The following ALG6 variants were observed in gnomAD, a reference collection of about 807,000 sequenced individuals.
ALG6 encodes dolichyl pyrophosphate Man9GlcNAc2 alpha-1,3-glucosyltransferase.
A neutral mutation model predicts 66.6 loss-of-function variants in ALG6; 46 were observed. That is an observed-to-expected ratio of 0.69 (90% CI 0.55 to 0.88). The LOEUF (loss-of-function observed/expected upper bound fraction) is 0.88, where lower values mean the gene tolerates loss of function less well. Among genes scored for constraint, ALG6 ranks in the 40% least tolerant of loss-of-function variants. ALG6 has a pLI of 0.00. For missense variants in ALG6, 505 were observed against 586.8 expected, an observed-to-expected ratio of 0.86 and a Z score of 1.44; for synonymous variants, 185 against 203.7, an observed-to-expected ratio of 0.91 and a Z score of 0.78.
At chr1:63,375,789 T>C (rs1384590190) in intron 2 of ALG6, among the ~76,000 whole-genome samples, 5 of 152,174 alleles carry the variant, frequency 3.3e-5, no homozygotes, top group Admixed American at 3.3e-4. Context: ...TTATTGGTTA[T>C]AGGACCATTT....
chr1:63,372,579 GACAC>G (rs1302873830), intron 2 of ALG6, among the ~76,000 whole-genome samples: 1 of 151,442 alleles, frequency 6.6e-6, no homozygotes, highest in South Asian at 2.1e-4. Flanking sequence ...GATATACACA[GACAC>G]ACATATATAT....
intron 2 of ALG6, among the ~76,000 whole-genome samples, chr1:63,376,242 GGTAA>G (rs1199989066): frequency 2.0e-5 from 3 of 152,120 alleles, no homozygotes; most frequent in Non-Finnish European, 2.9e-5. Flanking sequence ...TGTAGCACAT[GGTAA>G]GTATTTGTGT....
In ALG6 at chr1:63,400,241, ATACG is replaced by A. The variant is rs1430625654; in HGVS notation, c.168-2010_168-2007del. Among the ~76,000 whole-genome samples, 6 of 15,890 alleles carry A rather than the reference ATACG, an allele frequency of 3.8e-4. 1 individual carries two copies. Among genetic ancestry groups the A allele is most frequent in the African/African-American group, 9.1e-4 (2 of 2,202 alleles). 10.4% of individuals were successfully genotyped at this position (15,890 alleles called of 152,430 possible). ...TATATACGTATATATATATATATATATACGTATATATATGTATATATATATACGT... is the reference window on the plus strand; with the variant it reads ...TATATACGTATATATATATATATATATATATATATGTATATATATATACGT... On this transcript the variant is annotated intron_variant, in intron 3 of 14. Coordinates refer to ENST00000263440, the MANE Select transcript of ALG6 (RefSeq NM_013339.4).
At chr1:63,430,121 T>G (rs1644638190) in intron 14 of ALG6, among the ~76,000 whole-genome samples, 1 of 152,156 alleles carries the variant, frequency 6.6e-6, no homozygotes, top group African/African-American at 2.4e-5. Context: ...GACCTCATGA[T>G]CTGCCGGCCT....
chr1:63,418,066 G>A (rs955459394), intron 11 of ALG6, among the ~76,000 whole-genome samples: 1 of 151,382 alleles, frequency 6.6e-6, no homozygotes, highest in Non-Finnish European at 1.5e-5. Context: ...CCTGGGAGGC[G>A]GAGGTTGCGG....
At chr1:63,427,275 A>G (rs1476847541) in intron 12 of ALG6, among the ~76,000 whole-genome samples, 2 of 151,450 alleles carry the variant, frequency 1.3e-5, no homozygotes, top group African/African-American at 4.9e-5. Context: ...AGCCTCCCAA[A>G]GTGCTGCGAT....
Position 63,400,226 on chromosome 1 carries a change from T to C in ALG6, c.168-2028T>C, listed in dbSNP as rs1473426070. Among the ~76,000 whole-genome samples, 12 of 21,994 alleles carry C rather than the reference T, an allele frequency of 5.5e-4. 2 individuals are homozygous for C. In the East Asian group the frequency reaches 6.8e-3, roughly 12 times the overall value. 14.4% of individuals were successfully genotyped at this position (21,994 alleles called of 152,430 possible). A position where few individuals can be genotyped will look rare whatever the true frequency, so the allele number is the denominator to read the frequency against. The stretch of plus-strand genomic sequence containing the variant: ...AAAAAAATATATATATATATACGTA[T>C]ATATATATATATATATACGTATATA... On this transcript the variant is annotated intron_variant, in intron 3 of 14. Coordinates refer to ENST00000263440, the MANE Select transcript of ALG6 (RefSeq NM_013339.4).
intron 3 of ALG6, among the ~76,000 whole-genome samples, chr1:63,400,788 T>C (rs116105185): frequency 0.023 from 3,446 of 152,318 alleles, 48 homozygotes; most frequent in Non-Finnish European, 0.037. Context: ...TAGTAGCCAA[T>C]TGGAACTACT....
chr1:63,436,898 G>T lies in ALG6; in HGVS notation c.1402G>T (p.Asp468Tyr). 1 of 1,613,834 alleles carries T rather than the reference G, an allele frequency of 6.2e-7. No individual in the cohort carries two copies. Among genetic ancestry groups the T allele is most frequent in the South Asian group, 1.1e-5 (1 of 91,076 alleles). ...ACTGGATCCTCCTCAGAAACTACCGGACTTGTTTTCTGTATTGGTGTGTTT... is the reference window on the plus strand; with the variant it reads ...ACTGGATCCTCCTCAGAAACTACCGTACTTGTTTTCTGTATTGGTGTGTTT... The part of the protein sequence containing the change: ...VTLDPPQKLP[D>Y]LFSVLVCFVS... The change falls in exon 15 of 15, where the codon GAC becomes TAC. Residue 468 changes from aspartate to tyrosine, a missense_variant. Transcript: ENST00000263440.
intron 8 of ALG6, 30 bp from the exon 9 acceptor site, chr1:63,411,896 T>G (rs755990716): frequency 1.2e-6 from 2 of 1,613,912 alleles, no homozygotes; most frequent in East Asian, 4.5e-5. Flanking sequence ...CCTTTCCCTA[T>G]CTTACTGCCT....
At chr1:63,419,595 AT>A (rs1164071471) in intron 12 of ALG6, among the ~76,000 whole-genome samples, 155 bp downstream of exon 12, 4 of 152,062 alleles carry the variant, frequency 2.6e-5, no homozygotes, top group Non-Finnish European at 5.9e-5. Flanking sequence ...AGAATTTTTG[AT>A]TTTCTTTATA....
chr1:63,399,078 G>T (rs1174822524), intron 3 of ALG6, among the ~76,000 whole-genome samples: 2 of 152,258 alleles, frequency 1.3e-5, no homozygotes, highest in East Asian at 3.9e-4. Flanking sequence ...CCATTTCCAA[G>T]TTCCCTCAGG....
intron 2 of ALG6, among the ~76,000 whole-genome samples, chr1:63,392,522 T>C (rs1215181264): frequency 2.0e-5 from 3 of 152,216 alleles, no homozygotes. Context: ...TTCTCTAAAA[T>C]GTTTAAAATT....
intron 14 of ALG6, among the ~76,000 whole-genome samples, chr1:63,434,763 A>G (rs1644668988): frequency 6.6e-6 from 1 of 152,198 alleles, no homozygotes; most frequent in Non-Finnish European, 1.5e-5. Context: ...GACGAAGTTG[A>G]GTCTTTACAT....
chr1:63,412,470 T>C (rs535957053), intron 9 of ALG6, among the ~76,000 whole-genome samples: 8 of 152,336 alleles, frequency 5.3e-5, no homozygotes, highest in African/African-American at 1.9e-4. Flanking sequence ...AATTGAATTA[T>C]ATGTTTTTGT....
intron 10 of ALG6, among the ~76,000 whole-genome samples, chr1:63,415,528 T>C (rs1039113527): frequency 1.3e-5 from 2 of 152,204 alleles, no homozygotes; most frequent in African/African-American, 4.8e-5. Context: ...CTCTTATACT[T>C]CATTATGTTT....
At chr1:63,422,539 A>G (rs1408256687) in intron 12 of ALG6, among the ~76,000 whole-genome samples, 3 of 148,196 alleles carry the variant, frequency 2.0e-5, no homozygotes, top group African/African-American at 7.5e-5. Context: ...GATGCTGCTT[A>G]TAGGTCAAAT....
chr1:63,419,226 GTGT>G (rs1570077704), intron 11 of ALG6, 141 bp from the exon 12 acceptor site: 9 of 680,570 alleles, frequency 1.3e-5, no homozygotes, highest in South Asian at 9.1e-5. Flanking sequence ...ATGCATACTA[GTGT>G]TGTTTGTATT....
At chr1:63,397,077 G>C (rs140047483) in intron 3 of ALG6, among the ~76,000 whole-genome samples, 2 of 151,962 alleles carry the variant, frequency 1.3e-5, no homozygotes, top group Non-Finnish European at 2.9e-5. Context: ...TGGAAATTTC[G>C]CATGTGTCCT....
Sources: gnomAD v4.1 joint callset for allele counts (sites outside exome capture counted in the v4.1 genomes callset) on GRCh38, gnomAD v4.1.1 for gene constraint, MANE v1.5 for transcripts, NCBI Gene and HGNC (gene_info 2026-07-23, HGNC 2026-07-21) for gene names.